The following BMP2K variants were observed in gnomAD, a reference collection of about 807,000 sequenced individuals.
The protein encoded by BMP2K is BMP2 inducible kinase, also known as BMP-2-inducible protein kinase.
Under a neutral mutation model 116.0 loss-of-function variants are expected in BMP2K, and 74 were observed. The ratio of observed to expected loss-of-function variants is 0.64; its 90% CI spans 0.53 to 0.77. The LOEUF is 0.77. Ranked by LOEUF, BMP2K falls within the 30% of genes least tolerant of loss-of-function variation. The probability of loss-of-function intolerance (pLI) is 0.00; values close to 1 mark genes in which losing one functional copy is unlikely to be tolerated. For missense variants in BMP2K, 1,365 were observed against 1,403.6 expected (o/e 0.97, Z 0.44); for synonymous variants, 486 against 502.5 (o/e 0.97, Z 0.44).
At chr4:78,873,308 A>G (rs547664221) in intron 13 of BMP2K, among the ~76,000 whole-genome samples, 27 of 152,330 alleles carry the variant, frequency 1.8e-4, no homozygotes, top group African/African-American at 6.3e-4. Context: ...TATTTTGGCT[A>G]TTGAGACATA....
At chr4:78,892,752 C>T (rs146215458) in intron 15 of BMP2K, among the ~76,000 whole-genome samples, 1,926 of 152,134 alleles carry the variant, frequency 0.013, 18 homozygotes, top group African/African-American at 0.017. Context: ...GTTACATTTA[C>T]GCTATGCTGT....
At chr4:78,793,115 T>G (rs1728084082) in intron 1 of BMP2K, among the ~76,000 whole-genome samples, 1 of 152,166 alleles carries the variant, frequency 6.6e-6, no homozygotes, top group Non-Finnish European at 1.5e-5. Context: ...CTATTTTTTA[T>G]TAAATTGTTA....
rs1734984774 is a variant in BMP2K at position 78,915,644 on chromosome 4, T to C, written c.*3611T>C. ...ATTAAGATAAAAATATGTACACACA[T>C]GCATGTCACATCTCTCTACTGTGGA... On this transcript the variant is annotated 3_prime_UTR_variant, in exon 16 of 16. Transcript: ENST00000502613. The C allele has an allele frequency of 6.6e-6, 1 of 151,934 alleles. No individual in the cohort carries two copies. Among genetic ancestry groups the C allele is most frequent in the Non-Finnish European group, 1.5e-5 (1 of 67,890 alleles). The allele number at this position is 151,934 out of a possible 1,614,324, so 9.4% of individuals were successfully genotyped here. A position where few individuals can be genotyped will look rare whatever the true frequency, so the allele number is the denominator to read the frequency against.
chr4:78,895,637 A>C (rs1236891815), intron 15 of BMP2K, among the ~76,000 whole-genome samples: 4 of 152,148 alleles, frequency 2.6e-5, no homozygotes, highest in African/African-American at 9.7e-5. Context: ...TTATTAATGG[A>C]AGTTGGGATG....
chr4:78,826,031 T>C lies in BMP2K; in HGVS notation c.179-6T>C. On this transcript the variant is annotated splice_region_variant and splice_polypyrimidine_tract_variant and intron_variant, in intron 1 of 15. Transcript: ENST00000502613. ...TTTTAAATTAATTGGTGCTTTGTTT[T>C]TCTAGGTGGATTCTCCACAGTTTTC... is the stretch of plus-strand genomic sequence containing the variant. 1 of 1,603,758 alleles carries C rather than the reference T, an allele frequency of 6.2e-7. No homozygotes were observed. Among genetic ancestry groups the C allele is most frequent in the Non-Finnish European group, 8.5e-7 (1 of 1,173,264 alleles).
chr4:78,825,183 A>G (rs572870593), intron 1 of BMP2K, among the ~76,000 whole-genome samples: 5 of 152,126 alleles, frequency 3.3e-5, no homozygotes, highest in Non-Finnish European at 5.9e-5. Context: ...CAGCCTGGGC[A>G]ACAAGAGTGA....
chr4:78,893,109 A>T (rs1441433069), intron 15 of BMP2K, among the ~76,000 whole-genome samples: 6 of 152,234 alleles, frequency 3.9e-5, no homozygotes, highest in Non-Finnish European at 7.3e-5. Flanking sequence ...CCCTCAAACC[A>T]TACCATTGCT....
rs1451741662 is a variant in BMP2K, at chr4:78,776,673, T to C, written c.130T>C (p.Phe44Leu). The change falls in exon 1 of 16, where the codon TTC becomes CTC. Residue 44 changes from phenylalanine to leucine, a missense_variant. Transcript: ENST00000502613. Reference protein sequence around the residue: ...SGGSSVGVRVFAVGRHQVTLE... With the variant: ...SGGSSVGVRVLAVGRHQVTLE... ...CGGCTCGTCCGTGGGGGTCCGGGTG[T>C]TCGCGGTCGGCCGCCACCAGGTCAC... 1 of 1,240,442 alleles carries C rather than the reference T, an allele frequency of 8.1e-7. No homozygotes were observed. The highest frequency in any genetic ancestry group is 3.1e-5 in the East Asian group (1 of 32,454). The allele number at this position is 1,240,442 out of a possible 1,614,324, so 76.8% of individuals were successfully genotyped here.
Position 78,913,003 on chromosome 4 carries a change from A to T in BMP2K, c.*970A>T, listed in dbSNP as rs1022358672. The T allele has an allele frequency of 4.6e-5, 7 of 152,222 alleles. No homozygotes were observed. The highest frequency in any genetic ancestry group is 9.6e-5 in the African/African-American group (4 of 41,468). The allele number at this position is 152,222 out of a possible 1,614,324, so 9.4% of individuals were successfully genotyped here. A position where few individuals can be genotyped will look rare whatever the true frequency, so the allele number is the denominator to read the frequency against. ...GTTGTATAAAAATTTTATTTTATGA[A>T]GAAAATATGTAGCGGAAACTGAATT... On this transcript the variant is annotated 3_prime_UTR_variant, in exon 16 of 16. Transcript: ENST00000502613.
intron 6 of BMP2K, among the ~76,000 whole-genome samples, chr4:78,847,974 A>G (rs1666096773): frequency 6.6e-6 from 1 of 151,646 alleles, no homozygotes; most frequent in Non-Finnish European, 1.5e-5. Context: ...ATTCTTTGGA[A>G]ATAGTTCTAG....
Position 78,879,594 on chromosome 4 carries a change from G to A in BMP2K, c.1951+703G>A, listed in dbSNP as rs576420528. The A allele has an allele frequency of 1.5e-3, 331 of 226,270 alleles. 1 individual carries two copies. The highest frequency in any genetic ancestry group is 7.1e-3 in the African/African-American group (304 of 42,792). The allele number at this position is 226,270 out of a possible 1,614,324, so 14.0% of individuals were successfully genotyped here. A position where few individuals can be genotyped will look rare whatever the true frequency, so the allele number is the denominator to read the frequency against. The stretch of plus-strand genomic sequence containing the variant: ...AATAGGAGCAAAAAGCTCACTTCTA[G>A]AGTATGTAGATAATTTTCAGGTTTC... On this transcript the variant is annotated intron_variant, in intron 14 of 15. Coordinates refer to ENST00000502613, the MANE Select transcript of BMP2K (RefSeq NM_198892.2).
chr4:78,858,913 T>C (rs1731632604), intron 7 of BMP2K, among the ~76,000 whole-genome samples: 1 of 151,838 alleles, frequency 6.6e-6, no homozygotes, highest in South Asian at 2.1e-4. Context: ...TACCAAATGG[T>C]AGTGGTCATT....
chr4:78,909,055 CTTTTTTTTTTT>C (rs1053664659), intron 15 of BMP2K, among the ~76,000 whole-genome samples: 4 of 94,394 alleles, frequency 4.2e-5, no homozygotes, highest in Admixed American at 1.2e-4. Flanking sequence ...TTCCCTTAGT[CTTTTTTTTTTT>C]TTTTTTTTTT....
chr4:78,906,364 G>A (rs917195699), intron 15 of BMP2K, among the ~76,000 whole-genome samples: 3 of 151,706 alleles, frequency 2.0e-5, no homozygotes, highest in African/African-American at 7.3e-5. Flanking sequence ...TTATGTAGGG[G>A]GGCAAAATAA....
At chr4:78,860,582 A>G (rs912128146) in intron 8 of BMP2K, among the ~76,000 whole-genome samples, 1 of 151,856 alleles carries the variant, frequency 6.6e-6, no homozygotes, top group African/African-American at 2.4e-5. Context: ...CAGTGCATTT[A>G]ACTACTTTAG....
intron 15 of BMP2K, among the ~76,000 whole-genome samples, chr4:78,904,884 GAT>G (rs1445870356): frequency 2.0e-5 from 3 of 151,946 alleles, no homozygotes; most frequent in Admixed American, 2.0e-4. Flanking sequence ...CTGAAAATAA[GAT>G]AGTTATAATT....
intron 7 of BMP2K, among the ~76,000 whole-genome samples, chr4:78,856,966 C>A (rs563764948): frequency 2.0e-5 from 3 of 152,264 alleles, no homozygotes; most frequent in Non-Finnish European, 2.9e-5. Flanking sequence ...AAATCACTGT[C>A]TTTCCCACTG....
At chr4:78,804,112 C>T (rs1036451206) in intron 1 of BMP2K, among the ~76,000 whole-genome samples, 1 of 152,170 alleles carries the variant, frequency 6.6e-6, no homozygotes, top group African/African-American at 2.4e-5. Flanking sequence ...TTAGAACTTA[C>T]TTTCCATTCC....
At chr4:78,780,515 ATAAAT>A (rs1327378869) in intron 1 of BMP2K, among the ~76,000 whole-genome samples, 1 of 152,206 alleles carries the variant, frequency 6.6e-6, no homozygotes, top group Middle Eastern at 3.2e-3. Context: ...ATTTTGCACT[ATAAAT>A]TAGTAGGGAA....
Sources: gnomAD v4.1 joint callset for allele counts (sites outside exome capture counted in the v4.1 genomes callset) on GRCh38, gnomAD v4.1.1 for gene constraint, MANE v1.5 for transcripts, NCBI Gene and HGNC (gene_info 2026-07-23, HGNC 2026-07-21) for gene names.